Variants in NKAIN3 observed in about 807,000 individuals in gnomAD.
NKAIN3 encodes the protein sodium/potassium transporting ATPase interacting 3.
In NKAIN3, 25 loss-of-function variants were observed where a neutral mutation model predicts 30.2. The ratio of observed to expected loss-of-function variants is 0.83; its 90% CI spans 0.60 to 1.16. The LOEUF (loss-of-function observed/expected upper bound fraction) is 1.16. NKAIN3 is among the 50% of genes most tolerant of loss of function. The pLI is 0.00. For missense variants in NKAIN3, 225 were observed against 254.1 expected, an observed-to-expected ratio of 0.89 and a Z score of 0.78; for synonymous variants, 91 against 89.6, an observed-to-expected ratio of 1.02 and a Z score of -0.09.
chr8:62,377,787 G>C (rs890446010), intron 1 of NKAIN3, among the ~76,000 whole-genome samples: 1 of 152,104 alleles, frequency 6.6e-6, no homozygotes, highest in Non-Finnish European at 1.5e-5. Context: ...TTCCGCCATG[G>C]TTGTAAGTTT....
chr8:62,754,369 C>CAT (rs777717473), intron 4 of NKAIN3, among the ~76,000 whole-genome samples: 46 of 151,658 alleles, frequency 3.0e-4, no homozygotes, highest in Non-Finnish European at 5.0e-4. Flanking sequence ...AGTGCACACA[C>CAT]ACACACACAC....
intron 4 of NKAIN3, among the ~76,000 whole-genome samples, chr8:62,835,285 C>T (rs1014833541): frequency 2.0e-5 from 3 of 152,014 alleles, no homozygotes; most frequent in Admixed American, 6.6e-5. Flanking sequence ...ACTAAGTCCT[C>T]GAAAGCAATT....
chr8:62,337,802 T>C (rs1342066991), intron 1 of NKAIN3, among the ~76,000 whole-genome samples: 1 of 152,036 alleles, frequency 6.6e-6, no homozygotes, highest in Non-Finnish European at 1.5e-5. Flanking sequence ...TTTTAGAAAT[T>C]CTGATCATTG....
chr8:62,784,807 A>G (rs1817463919), intron 4 of NKAIN3, among the ~76,000 whole-genome samples: 1 of 152,108 alleles, frequency 6.6e-6, no homozygotes, highest in Non-Finnish European at 1.5e-5. Context: ...ACGTCACAAA[A>G]ATAAAAAACA....
At chr8:62,594,771 CTT>C (rs1810770164) in intron 3 of NKAIN3, among the ~76,000 whole-genome samples, 1 of 151,664 alleles carries the variant, frequency 6.6e-6, no homozygotes, top group South Asian at 2.1e-4. Flanking sequence ...TGTTTTCTTT[CTT>C]TCTTTTCCTT....
At chr8:62,960,036 G>A (rs1823526939) in intron 6 of NKAIN3, among the ~76,000 whole-genome samples, 2 of 152,298 alleles carry the variant, frequency 1.3e-5, no homozygotes, top group South Asian at 4.1e-4. Flanking sequence ...AAGAATGGTT[G>A]TACCATGTCA....
intron 1 of NKAIN3, among the ~76,000 whole-genome samples, chr8:62,300,654 T>G (rs1814014419): frequency 6.6e-6 from 1 of 152,128 alleles, no homozygotes; most frequent in Admixed American, 6.6e-5. Context: ...TTGTTAGAAT[T>G]TATCTTACAT....
intron 4 of NKAIN3, among the ~76,000 whole-genome samples, chr8:62,778,631 G>A (rs1273576232): frequency 6.6e-6 from 1 of 152,078 alleles, no homozygotes; most frequent in Non-Finnish European, 1.5e-5. Flanking sequence ...GCCCAGAACA[G>A]GACCAGAAAT....
Position 62,248,919 on chromosome 8 carries a change from C to A in NKAIN3, c.-155C>A. 2 of 605,932 alleles carry A rather than the reference C, an allele frequency of 3.3e-6. No homozygotes were observed. The highest frequency in any genetic ancestry group is 2.2e-5 in the South Asian group (1 of 45,350). 37.5% of individuals were successfully genotyped at this position (605,932 alleles called of 1,614,324 possible). A position where few individuals can be genotyped will look rare whatever the true frequency, so the allele number is the denominator to read the frequency against. On this transcript the variant is annotated 5_prime_UTR_variant, in exon 1 of 7. Coordinates refer to ENST00000623646, the MANE Select transcript of NKAIN3 (RefSeq NM_001304533.3). ...CGCCCCGCCGGGAAACTAACAAAGG[C>A]GGGCGCGAGCCCCGAGCCCTGGAGC...
At chr8:62,664,975 A>G (rs1240549524) in intron 3 of NKAIN3, among the ~76,000 whole-genome samples, 1 of 152,124 alleles carries the variant, frequency 6.6e-6, no homozygotes, top group Non-Finnish European at 1.5e-5. Flanking sequence ...TCTTCTTTTA[A>G]TTCTAGAGAC....
intron 1 of NKAIN3, among the ~76,000 whole-genome samples, chr8:62,269,751 T>A (rs1032010832): frequency 6.6e-6 from 1 of 152,108 alleles, no homozygotes; most frequent in Non-Finnish European, 1.5e-5. Context: ...TTACTTTAGG[T>A]CAGCAACTTT....
chr8:62,811,502 T>G (rs973233097), intron 4 of NKAIN3, among the ~76,000 whole-genome samples: 3 of 152,086 alleles, frequency 2.0e-5, no homozygotes, highest in Admixed American at 6.6e-5. Flanking sequence ...ATATGGGTGA[T>G]CTAGTTTCTC....
At chr8:62,435,060 G>A (rs1406410057) in intron 1 of NKAIN3, among the ~76,000 whole-genome samples, 2 of 152,122 alleles carry the variant, frequency 1.3e-5, no homozygotes, top group Non-Finnish European at 1.5e-5. Flanking sequence ...AGGAGGACAG[G>A]AGAAGAGGGT....
At chr8:62,451,116 G>A (rs559577276) in intron 1 of NKAIN3, among the ~76,000 whole-genome samples, 8 of 152,188 alleles carry the variant, frequency 5.3e-5, no homozygotes, top group African/African-American at 1.9e-4. Flanking sequence ...AGAATAGGCA[G>A]CTATCACCCA....
At position 62,967,492 on chromosome 8, in the gene NKAIN3, G is replaced by A. The variant is rs750702891; in HGVS notation, c.*2085G>A. Among the ~76,000 whole-genome samples the A allele has an allele frequency of 9.2e-5, 14 of 152,180 alleles. No homozygotes were observed. Among genetic ancestry groups the A allele is most frequent in the Non-Finnish European group, 2.1e-4 (14 of 68,030 alleles). ...ATGTCAAAACACTCCTCTGTACCCT[G>A]TCTGGAGCTCTTGCTTTCCACTCAA... On this transcript the variant is annotated 3_prime_UTR_variant, in exon 7 of 7. Transcript: ENST00000623646.
intron 3 of NKAIN3, among the ~76,000 whole-genome samples, chr8:62,618,595 A>G (rs1811531195): frequency 6.6e-6 from 1 of 152,036 alleles, no homozygotes; most frequent in South Asian, 2.1e-4. Flanking sequence ...ACTAAAAGAA[A>G]CAAGAAGAAA....
intron 3 of NKAIN3, among the ~76,000 whole-genome samples, chr8:62,739,566 A>C (rs1815795345): frequency 6.6e-6 from 1 of 152,198 alleles, no homozygotes; most frequent in Non-Finnish European, 1.5e-5. Context: ...GTGCAAAAAA[A>C]TTGAAATCCA....
intron 1 of NKAIN3, among the ~76,000 whole-genome samples, chr8:62,312,471 GA>G (rs1814474677): frequency 1.3e-5 from 2 of 150,498 alleles, no homozygotes; most frequent in African/African-American, 5.0e-5. Flanking sequence ...TGGGAAAAGA[GA>G]GACAGGCAAA....
At chr8:62,557,505 C>A (rs941413374) in intron 1 of NKAIN3, among the ~76,000 whole-genome samples, 1 of 152,112 alleles carries the variant, frequency 6.6e-6, no homozygotes, top group African/African-American at 2.4e-5. Flanking sequence ...AGTGGTTGTA[C>A]TAGTTTACAT....
Sources: gnomAD v4.1 joint callset for allele counts (sites outside exome capture counted in the v4.1 genomes callset) on GRCh38, gnomAD v4.1.1 for gene constraint, MANE v1.5 for transcripts, NCBI Gene and HGNC (gene_info 2026-07-23, HGNC 2026-07-21) for gene names.